The following DLG2 variants were observed in gnomAD, a reference collection of about 807,000 sequenced individuals.
DLG2 encodes discs large MAGUK scaffold protein 2, also known as disks large homolog 2.
A neutral mutation model predicts 132.5 loss-of-function variants in DLG2; 45 were observed. The ratio of observed to expected loss-of-function variants is 0.34; its 90% CI spans 0.27 to 0.44. The LOEUF (loss-of-function observed/expected upper bound fraction) is 0.44. Ranked by LOEUF, DLG2 falls within the 20% of genes least tolerant of loss-of-function variation. The pLI is 1.00. For missense variants in DLG2, 1,045 were observed against 1,196.9 expected, an observed-to-expected ratio of 0.87 and a Z score of 1.87; for synonymous variants, 424 against 419.6, an observed-to-expected ratio of 1.01 and a Z score of -0.13.
intron 11 of DLG2, among the ~76,000 whole-genome samples, chr11:83,981,425 T>TA (rs957693978): frequency 1.3e-5 from 2 of 152,072 alleles, no homozygotes; most frequent in African/African-American, 4.8e-5. Flanking sequence ...AAAAGAATGT[T>TA]AAAAAATTAA....
chr11:83,850,514 T>A (rs1269498027), intron 16 of DLG2, among the ~76,000 whole-genome samples: 1 of 151,974 alleles, frequency 6.6e-6, no homozygotes, highest in African/African-American at 2.4e-5. Context: ...GGGAGTGGGA[T>A]AATAATTAAT....
chr11:83,743,429 A>T (rs1487940612), intron 18 of DLG2, among the ~76,000 whole-genome samples: 29 of 103,770 alleles, frequency 2.8e-4, no homozygotes, highest in African/African-American at 8.1e-4. Flanking sequence ...TGGGCAGGCC[A>T]TTTTTTTTTT....
In DLG2 at chr11:83,930,418, T is replaced by C. The variant is rs377716241; in HGVS notation, c.1406A>G (p.Tyr469Cys). 3 of 1,613,992 alleles carry C rather than the reference T, an allele frequency of 1.9e-6. No homozygotes were observed. The highest frequency in any genetic ancestry group is 2.5e-6 in the Non-Finnish European group (3 of 1,179,886). Residue 469 changes from tyrosine to cysteine, a missense_variant, in exon 15 of 28, where the codon TAT becomes TGT. Transcript: ENST00000376104. ...LCDKPASPRH[Y>C]SPVECDKSFL... ...GCTTTTGTCACACTCAACAGGGGAA[T>C]AGTGCCTGGGAGAAGCAGGCTTATC...
intron 6 of DLG2, among the ~76,000 whole-genome samples, chr11:84,719,293 T>C (rs1377766093): frequency 6.6e-6 from 1 of 152,228 alleles, no homozygotes; most frequent in Non-Finnish European, 1.5e-5. Context: ...AATTATGTGA[T>C]ATACATTCAC....
chr11:84,952,845 AT>A (rs2051143576), intron 6 of DLG2, among the ~76,000 whole-genome samples: 1 of 152,188 alleles, frequency 6.6e-6, no homozygotes, highest in Admixed American at 6.5e-5. Context: ...CCTAAAGATG[AT>A]TTTTCCATTT....
At chr11:84,217,164 T>C (rs2096846627) in intron 8 of DLG2, among the ~76,000 whole-genome samples, 1 of 152,206 alleles carries the variant, frequency 6.6e-6, no homozygotes. Context: ...GTACAGGTTC[T>C]AACACCTCCG....
intron 4 of DLG2, among the ~76,000 whole-genome samples, chr11:85,187,913 A>G (rs1366560034): frequency 1.3e-5 from 2 of 152,156 alleles, no homozygotes; most frequent in South Asian, 2.1e-4. Flanking sequence ...CAGCAGACTA[A>G]TTGGTAGTTC....
chr11:85,415,542 G>A (rs566811008), intron 3 of DLG2, among the ~76,000 whole-genome samples: 3 of 152,136 alleles, frequency 2.0e-5, no homozygotes, highest in South Asian at 4.2e-4. Context: ...ACTTTTTAAT[G>A]ATCACCATTC....
chr11:84,579,829 T>C (rs113940767), intron 6 of DLG2, among the ~76,000 whole-genome samples: 1,861 of 152,280 alleles, frequency 0.012, 28 homozygotes, highest in Non-Finnish European at 0.019. Context: ...ATTAAAGCAA[T>C]GTTAATGCAG....
intron 16 of DLG2, among the ~76,000 whole-genome samples, chr11:83,870,840 T>G (rs766930125): frequency 6.6e-6 from 1 of 152,210 alleles, no homozygotes; most frequent in South Asian, 2.1e-4. Flanking sequence ...TGCTGAGCTG[T>G]AGGCCCCTTC....
chr11:84,975,191 A>G (rs1004441752), intron 6 of DLG2, among the ~76,000 whole-genome samples: 33 of 152,326 alleles, frequency 2.2e-4, no homozygotes, highest in African/African-American at 7.7e-4. Flanking sequence ...ACTACTATTT[A>G]TCTATCCATT....
intron 6 of DLG2, among the ~76,000 whole-genome samples, chr11:85,025,452 C>T (rs1469768163): frequency 2.0e-5 from 3 of 152,108 alleles, no homozygotes; most frequent in Non-Finnish European, 4.4e-5. Context: ...GTAATTTAGA[C>T]CAAACCACTT....
At chr11:85,413,873 G>A (rs2089572792) in intron 3 of DLG2, among the ~76,000 whole-genome samples, 1 of 151,940 alleles carries the variant, frequency 6.6e-6, no homozygotes, top group East Asian at 1.9e-4. Flanking sequence ...GTCTTGCTTT[G>A]GCTATGCAGC....
At chr11:84,641,491 T>A (rs1057279381) in intron 6 of DLG2, among the ~76,000 whole-genome samples, 6 of 152,124 alleles carry the variant, frequency 3.9e-5, no homozygotes, top group African/African-American at 1.4e-4. Context: ...TAAAACAAGC[T>A]CAAAGCCTAA....
At chr11:84,846,175 T>A (rs2081450306) in intron 6 of DLG2, among the ~76,000 whole-genome samples, 1 of 152,044 alleles carries the variant, frequency 6.6e-6, no homozygotes, top group South Asian at 2.1e-4. Context: ...GAAATATATA[T>A]CTCTATCCCT....
chr11:83,866,369 T>A (rs544272648), intron 16 of DLG2, among the ~76,000 whole-genome samples: 1 of 152,284 alleles, frequency 6.6e-6, no homozygotes, highest in Admixed American at 6.5e-5. Flanking sequence ...AGCAACTAAA[T>A]CTTGTCATGG....
chr11:83,589,619 G>C (rs2097153095), intron 19 of DLG2, among the ~76,000 whole-genome samples: 1 of 145,286 alleles, frequency 6.9e-6, no homozygotes, highest in African/African-American at 2.5e-5. Flanking sequence ...CATAATGACA[G>C]GATCAAATTC....
At chr11:84,229,947 T>A (rs1380365610) in intron 8 of DLG2, among the ~76,000 whole-genome samples, 1 of 152,192 alleles carries the variant, frequency 6.6e-6, no homozygotes, top group African/African-American at 2.4e-5. Flanking sequence ...TTATAAACAT[T>A]TAAGCTAGTC....
In DLG2 at chr11:84,375,513, T is replaced by A. The variant is rs2098725537; in HGVS notation, c.520-124222A>T. ...TAATTTATCTTCTATAAATGTGCAA[T>A]AAAACTTATTTAATAAAACATTAAA... On this transcript the variant is annotated intron_variant, in intron 7 of 27. Coordinates refer to ENST00000376104, the MANE Select transcript of DLG2 (RefSeq NM_001142699.3). 2.0e-5 allele frequency among the ~76,000 whole-genome samples: 3 copies of A among 152,126 alleles called. No individual in the cohort carries two copies. In the South Asian group the frequency reaches 6.2e-4, roughly 31 times the overall value.
Sources: gnomAD v4.1 joint callset for allele counts (sites outside exome capture counted in the v4.1 genomes callset) on GRCh38, gnomAD v4.1.1 for gene constraint, MANE v1.5 for transcripts, NCBI Gene and HGNC (gene_info 2026-07-23, HGNC 2026-07-21) for gene names.